Variants in ARHGEF3 observed in about 807,000 individuals in gnomAD.
ARHGEF3 encodes Rho guanine nucleotide exchange factor 3.
Under a neutral mutation model 63.2 loss-of-function variants are expected in ARHGEF3, and 28 were observed. The observed-to-expected ratio is 0.44, with a 90% CI of 0.33 to 0.61. The LOEUF is 0.61. Among genes scored for constraint, ARHGEF3 ranks in the 20% least tolerant of loss-of-function variants. The pLI is 0.03. For missense variants in ARHGEF3, 533 were observed against 659.3 expected (o/e 0.81, Z 2.10); for synonymous variants, 266 against 254.2 (o/e 1.05, Z -0.44).
At chr3:57,048,759 C>T (rs1344567793) in intron 1 of ARHGEF3, among the ~76,000 whole-genome samples, 2 of 152,144 alleles carry the variant, frequency 1.3e-5, no homozygotes, top group Admixed American at 6.5e-5. Context: ...CTGGTGGCAG[C>T]AGAGACACAC....
At chr3:56,773,668 CA>C in intron 2 of ARHGEF3, 40 bp downstream of exon 2, 1 of 1,498,092 alleles carries the variant, frequency 6.7e-7, no homozygotes, top group Non-Finnish European at 9.0e-7. Flanking sequence ...TCCCGTACAC[CA>C]TGATTTTCTG....
At chr3:56,893,811 CAAAAAAAAAAAAAA>C (rs537483698) in intron 3 of ARHGEF3, among the ~76,000 whole-genome samples, 4 of 79,556 alleles carry the variant, frequency 5.0e-5, no homozygotes, top group Admixed American at 1.5e-4. Flanking sequence ...GACTCTGTCT[CAAAAAAAAAAAAAA>C]AAAAAAAAAA....
chr3:56,829,786 G>C (rs1439933457), intron 4 of ARHGEF3, among the ~76,000 whole-genome samples: 2 of 152,214 alleles, frequency 1.3e-5, no homozygotes, highest in East Asian at 3.8e-4. Flanking sequence ...GTCAGGGAGA[G>C]AGCCCTCACC....
chr3:56,741,413 A>T (rs1578384623), intron 7 of ARHGEF3, among the ~76,000 whole-genome samples: 1 of 144,210 alleles, frequency 6.9e-6, no homozygotes, highest in African/African-American at 2.6e-5. Context: ...CGAACTCCTG[A>T]CCTCAGGTGA....
chr3:57,048,630 C>G (rs1251053219), intron 1 of ARHGEF3, among the ~76,000 whole-genome samples: 1 of 152,130 alleles, frequency 6.6e-6, no homozygotes, highest in Non-Finnish European at 1.5e-5. Flanking sequence ...GCCCCACGCC[C>G]CCCTCCTCCT....
At chr3:57,063,155 T>C (rs1705325289) in intron 1 of ARHGEF3, among the ~76,000 whole-genome samples, 1 of 152,042 alleles carries the variant, frequency 6.6e-6, no homozygotes, top group South Asian at 2.1e-4. Context: ...GAATAGCAGG[T>C]GCAAAGGCCC....
intron 4 of ARHGEF3, among the ~76,000 whole-genome samples, chr3:56,818,330 G>C (rs2038344078): frequency 6.6e-6 from 1 of 152,192 alleles, no homozygotes; most frequent in Admixed American, 6.5e-5. Context: ...GAGGTGGCAG[G>C]GTGGCCATCT....
intron 7 of ARHGEF3, among the ~76,000 whole-genome samples, chr3:56,743,835 G>C (rs906859294): frequency 6.6e-6 from 1 of 151,958 alleles, no homozygotes; most frequent in African/African-American, 2.4e-5. Flanking sequence ...CCTTGATCAG[G>C]TTTTCACACC....
At position 56,979,894 on chromosome 3, in the gene ARHGEF3, A is replaced by G. The variant is rs145112609; in HGVS notation, c.63-21005T>C. Among the ~76,000 whole-genome samples, 13 of 152,296 alleles carry G rather than the reference A, an allele frequency of 8.5e-5. No homozygotes were observed. The East Asian group carries it at 1.7e-3, about 20-fold the overall frequency. On this transcript the variant is annotated intron_variant, in intron 2 of 12. Coordinates refer to the ARHGEF3 transcript ENST00000338458. ...CTGACCTATAGGAAGCATCCTGTGC[A>G]GCTCTTATTTCTGCAGTGAGACTAC... is the stretch of plus-strand genomic sequence containing the variant.
chr3:56,801,689 G>C lies in ARHGEF3; in HGVS notation c.96+14C>G, dbSNP rs1422328315. 6.4e-7 allele frequency: 1 copy of C among 1,553,736 alleles called. No homozygotes were observed. ...GATGACCCATAGAGGTCCAGGTGCA[G>C]GGCGCGGCCCTACCTCAGCGTCCTT... On this transcript the variant is annotated intron_variant, in intron 1 of 9. Transcript: ENST00000296315.
intron 1 of ARHGEF3, among the ~76,000 whole-genome samples, chr3:57,071,837 CCA>C (rs1246277185): frequency 6.6e-6 from 1 of 151,996 alleles, no homozygotes; most frequent in African/African-American, 2.4e-5. Context: ...AAAAAATAAC[CCA>C]CAGAATGGGC....
intron 1 of ARHGEF3, among the ~76,000 whole-genome samples, chr3:57,042,669 TATATATATATATATATATATATATA>T (rs1704243970): frequency 1.4e-4 from 2 of 14,286 alleles, no homozygotes; most frequent in African/African-American, 7.6e-4. Flanking sequence ...TATATATATA[TATATATATATATATATATATATATA>T]TATATATTTT....
chr3:56,911,030 G>A (rs1216700750), intron 3 of ARHGEF3, among the ~76,000 whole-genome samples: 1 of 152,038 alleles, frequency 6.6e-6, no homozygotes, highest in Non-Finnish European at 1.5e-5. Flanking sequence ...TGATGGCTAC[G>A]TCTCCACTGG....
intron 1 of ARHGEF3, among the ~76,000 whole-genome samples, chr3:57,047,000 A>G (rs965558549): frequency 6.6e-6 from 1 of 152,254 alleles, no homozygotes. Context: ...TAAAACATCT[A>G]TATTGCAAAA....
chr3:56,916,424 T>C, intron 3 of ARHGEF3: 1 of 1,469,326 alleles, frequency 6.8e-7, no homozygotes, highest in African/African-American at 1.4e-5. Flanking sequence ...TGAACAGGGC[T>C]GAGCATAGTT....
At chr3:56,898,240 C>T (rs371997142) in intron 3 of ARHGEF3, among the ~76,000 whole-genome samples, 202 of 151,786 alleles carry the variant, frequency 1.3e-3, no homozygotes, top group African/African-American at 4.4e-3. Flanking sequence ...GATGGAGTCC[C>T]GCTGTGTTGC....
intron 3 of ARHGEF3, among the ~76,000 whole-genome samples, chr3:56,886,265 A>G (rs2040922102): frequency 6.6e-6 from 1 of 152,218 alleles, no homozygotes; most frequent in Non-Finnish European, 1.5e-5. Flanking sequence ...AGCCTGGGAC[A>G]ATCCCTGGTA....
At chr3:56,843,875 G>A (rs2039398577) in intron 4 of ARHGEF3, among the ~76,000 whole-genome samples, 1 of 152,180 alleles carries the variant, frequency 6.6e-6, no homozygotes, top group African/African-American at 2.4e-5. Flanking sequence ...ATTTGAGGGA[G>A]GGATTGGCAT....
intron 2 of ARHGEF3, among the ~76,000 whole-genome samples, chr3:57,012,272 G>A (rs1056003639): frequency 6.6e-6 from 1 of 152,142 alleles, no homozygotes; most frequent in African/African-American, 2.4e-5. Context: ...TGCTGTTGTT[G>A]TTGTTTTGAG....
Sources: allele counts gnomAD v4.1 joint callset (sites outside exome capture counted in the v4.1 genomes callset), GRCh38; gene constraint gnomAD v4.1.1; transcripts MANE v1.5; gene names NCBI Gene and HGNC (gene_info 2026-07-23, HGNC 2026-07-21).